PRSS53: variants seen among roughly 807,000 people sequenced by gnomAD.
PRSS53 encodes EDTP308.
PRSS53 carries 54 observed loss-of-function variants against 62.7 expected under a neutral mutation model. The ratio of observed to expected loss-of-function variants is 0.86; its 90% CI spans 0.69 to 1.08. The LOEUF (loss-of-function observed/expected upper bound fraction) is 1.08. PRSS53 is among the 50% of genes least tolerant of loss of function. The pLI is 0.00. For missense variants in PRSS53, 688 were observed against 728.3 expected (o/e 0.94, Z 0.64); for synonymous variants, 273 against 300.0 (o/e 0.91, Z 0.93).
At chr16:31,083,775 T>C (rs1173828885) in exon 11 of PRSS53, 4 of 1,614,176 alleles carry the variant, frequency 2.5e-6, no homozygotes. Context: ...GTCCTGAGAA[T>C]GGCCAGGTCC....
chr16:31,086,244 T>A, intron 5 of PRSS53, 61 bp from the exon 6 acceptor site: 1 of 1,589,458 alleles, frequency 6.3e-7, no homozygotes, highest in Non-Finnish European at 8.6e-7. Context: ...AGACACCCTC[T>A]GATTGCAGGT....
Position 31,086,186 on chromosome 16 carries a change from G to A in PRSS53, c.664-3C>T. The A allele has an allele frequency of 6.2e-7, 1 of 1,609,678 alleles. No individual in the cohort carries two copies. The highest frequency in any genetic ancestry group is 1.3e-5 in the African/African-American group (1 of 74,970). On this transcript the variant is annotated splice_region_variant and splice_polypyrimidine_tract_variant and intron_variant, in intron 5 of 10. Transcript: ENST00000280606. Reference sequence around the variant, plus strand: ...AGCACAGGGCCCCCGGAATCTCCCTGGAGCCAGGCAACAAAGCCAAGGACA... The same window carrying A: ...AGCACAGGGCCCCCGGAATCTCCCTAGAGCCAGGCAACAAAGCCAAGGACA...
chr16:31,088,869 C>T, exon 1 of PRSS53: 1 of 1,604,616 alleles, frequency 6.2e-7, no homozygotes, highest in Non-Finnish European at 8.5e-7. Flanking sequence ...CTGGGTCTCC[C>T]TGGCTCCACC....
At chr16:31,086,088 GTCC>G in exon 6 of PRSS53, 1 of 1,613,688 alleles carries the variant, frequency 6.2e-7, no homozygotes, top group Non-Finnish European at 8.5e-7. Flanking sequence ...GCACAGGAGC[GTCC>G]TCCTGGGCAC....
Position 31,085,088 on chromosome 16 carries a change from C to T in PRSS53, c.1034+22G>A, listed in dbSNP as rs772954131. 3 of 1,612,908 alleles carry T rather than the reference C, an allele frequency of 1.9e-6. No homozygotes were observed. In the East Asian group the frequency reaches 6.7e-5, roughly 36 times the overall value. On this transcript the variant is annotated intron_variant, in intron 7 of 10. Coordinates refer to ENST00000280606, the Ensembl canonical transcript of PRSS53. ...CTGCCGGCAGGGGCAGGGGGCACAG[C>T]AGAGAGGGATCCAAGACTCACCCAA... is the stretch of plus-strand genomic sequence containing the variant.
At chr16:31,083,540 G>A (rs45599534) in exon 11 of PRSS53, 299,326 of 1,423,322 alleles carry the variant, frequency 0.21, 34,489 homozygotes, top group Non-Finnish European at 0.24. Flanking sequence ...TATCTGAAAG[G>A]GTAAAGGAGG....
chr16:31,086,453 T>G, exon 5 of PRSS53: 1 of 1,613,942 alleles, frequency 6.2e-7, no homozygotes, highest in Non-Finnish European at 8.5e-7. Context: ...GTGGGGCGAC[T>G]GATGAGACGC....
intron 6 of PRSS53, among the ~76,000 whole-genome samples, chr16:31,085,760 A>C (rs1310409623): frequency 1.3e-5 from 2 of 152,122 alleles, no homozygotes. Context: ...GGTCTCAGAG[A>C]TTCCTCTTCT....
chr16:31,083,861 C>G, intron 10 of PRSS53, 52 bp from the exon 11 acceptor site: 1 of 1,594,506 alleles, frequency 6.3e-7, no homozygotes, highest in East Asian at 2.2e-5. Context: ...GGCTTTGGTC[C>G]CTCCCTCCCT....
intron 10 of PRSS53, 121 bp from the exon 11 acceptor site, chr16:31,083,930 G>C (rs11864839): frequency 0.4 from 622,671 of 1,546,158 alleles, 133,232 homozygotes; most frequent in South Asian, 0.7. Flanking sequence ...AGAATACTGA[G>C]GCTCAAAGCG....
In PRSS53 at chr16:31,086,153, C is replaced by G. The variant is rs375149743; in HGVS notation, c.694G>C (p.Glu232Gln). ...GCCTGAACCCAGTGTCCGTCAGGCT[C>G]GAGGCACAGCACAGGGCCCCCGGAA... The change falls in exon 6 of 11, where the codon GAG (glutamate) becomes CAG (glutamine). Residue 232 changes from glutamate to glutamine, a missense_variant. Coordinates refer to ENST00000280606, the Ensembl canonical transcript of PRSS53. The G allele has an allele frequency of 2.0e-5, 33 of 1,612,194 alleles. No individual in the cohort carries two copies. Among genetic ancestry groups the G allele is most frequent in the Non-Finnish European group, 2.7e-5 (32 of 1,179,976 alleles).
chr16:31,084,201 C>G (rs781547046), exon 10 of PRSS53: 1 of 1,610,992 alleles, frequency 6.2e-7, no homozygotes, highest in Non-Finnish European at 8.5e-7. Flanking sequence ...AACTGCTGAC[C>G]CAGTCCTCAT....
At chr16:31,086,060 C>A (rs757146041) in exon 6 of PRSS53, 11 of 1,613,860 alleles carry the variant, frequency 6.8e-6, no homozygotes, top group Middle Eastern at 1.7e-4. Context: ...GAACTGTGAG[C>A]AGCTGTGTTG....
intron 3 of PRSS53, 94 bp from the exon 4 acceptor site, chr16:31,086,992 G>A: frequency 7.6e-7 from 1 of 1,316,770 alleles, no homozygotes; most frequent in South Asian, 1.5e-5. Context: ...ATAGCAGAGA[G>A]CACTCCACGG....
chr16:31,088,067 G>C (rs1439650913), intron 1 of PRSS53: 1 of 1,415,994 alleles, frequency 7.1e-7, no homozygotes, highest in Admixed American at 2.7e-5. Context: ...TGGGGCTTGG[G>C]GTTCAGCTTG....
At chr16:31,087,459 G>A in intron 3 of PRSS53, 78 bp downstream of exon 3, 1 of 1,065,408 alleles carries the variant, frequency 9.4e-7, no homozygotes, top group Non-Finnish European at 1.4e-6. Flanking sequence ...TAGAGGCAGG[G>A]ACTAGCCTTG....
At chr16:31,086,892 T>A (rs748054376) in exon 4 of PRSS53, 1 of 1,591,918 alleles carries the variant, frequency 6.3e-7, no homozygotes, top group Non-Finnish European at 8.6e-7. Context: ...GTTCTGTTGC[T>A]GCTGCCCTGG....
At chr16:31,083,907 G>T in intron 10 of PRSS53, 98 bp from the exon 11 acceptor site, 1 of 1,553,506 alleles carries the variant, frequency 6.4e-7, no homozygotes, top group Non-Finnish European at 8.7e-7. Flanking sequence ...TGTCTTGGCC[G>T]CCATGACAGA....
chr16:31,084,625 C>A, exon 9 of PRSS53: 1 of 1,607,530 alleles, frequency 6.2e-7, no homozygotes, highest in Non-Finnish European at 8.5e-7. Context: ...GCTGCCATCA[C>A]CCCCAGGAGC....
Sources: gnomAD v4.1 joint callset for allele counts (sites outside exome capture counted in the v4.1 genomes callset) on GRCh38, gnomAD v4.1.1 for gene constraint, MANE v1.5 for transcripts, NCBI Gene and HGNC (gene_info 2026-07-23, HGNC 2026-07-21) for gene names.